The following NOP58 variants were observed in gnomAD, a reference collection of about 807,000 sequenced individuals.
NOP58 encodes the protein NOP58 ribonucleoprotein.
NOP58 carries 44 observed loss-of-function variants against 71.2 expected under a neutral mutation model. The observed-to-expected ratio is 0.62, with a 90% CI of 0.49 to 0.79. NOP58 has a LOEUF of 0.79. Ranked by LOEUF, NOP58 falls within the 30% of genes least tolerant of loss-of-function variation. NOP58 has a pLI of 0.00. For missense variants in NOP58, 538 were observed against 620.2 expected (o/e 0.87, Z 1.41); for synonymous variants, 228 against 200.3 (o/e 1.14, Z -1.17).
intron 6 of NOP58, among the ~76,000 whole-genome samples, chr2:202,288,845 G>T (rs114351252): frequency 0.032 from 4,791 of 151,900 alleles, 226 homozygotes; most frequent in African/African-American, 0.11. Flanking sequence ...TCGGCTGGGC[G>T]CAGTGGCTCA....
rs575291968 is a variant in NOP58 at position 202,291,127 on chromosome 2, G to T, written c.637G>T (p.Asp213Tyr). Reference sequence around the variant, plus strand: ...CATCCTCTGCAAACATTCCATAGGCGATAGGAAGAACTATGCCTCTGCCAA... The same window carrying T: ...CATCCTCTGCAAACATTCCATAGGCTATAGGAAGAACTATGCCTCTGCCAA... ...TYCKCLQKVG[D>Y]RKNYASAKLS... Residue 213 changes from aspartate to tyrosine, a missense_variant and splice_region_variant, in exon 8 of 15, where the codon GAT (aspartate) becomes TAT (tyrosine). Physicochemically the swap from Asp to Tyr is radical, Grantham distance 160. Transcript: ENST00000264279. The T allele has an allele frequency of 3.7e-6, 6 of 1,600,964 alleles. No individual in the cohort carries two copies. In the Admixed American group the frequency reaches 1.1e-4, roughly 29 times the overall value.
At chr2:202,297,983 C>G in intron 12 of NOP58, 77 bp downstream of exon 12, 1 of 893,414 alleles carries the variant, frequency 1.1e-6, no homozygotes. Flanking sequence ...TTATTGTAAA[C>G]TTCACCTTGA....
chr2:202,295,275 T>C (rs947582794), intron 9 of NOP58, among the ~76,000 whole-genome samples: 1 of 152,246 alleles, frequency 6.6e-6, no homozygotes, highest in African/African-American at 2.4e-5. Flanking sequence ...AATGTGTTTA[T>C]TTGTAGGCTT....
At chr2:202,301,260 C>T (rs1689086663) in intron 13 of NOP58, among the ~76,000 whole-genome samples, 1 of 152,154 alleles carries the variant, frequency 6.6e-6, no homozygotes, top group African/African-American at 2.4e-5. Context: ...TCTTGGCTCA[C>T]TGCAACCTCC....
chr2:202,299,681 A>T (rs1314934153), intron 12 of NOP58, among the ~76,000 whole-genome samples: 1 of 152,176 alleles, frequency 6.6e-6, no homozygotes, highest in Non-Finnish European at 1.5e-5. Flanking sequence ...TTCACATTTT[A>T]GGCACTCATT....
At chr2:202,298,952 A>ATTTTTTTTT (rs3043921) in intron 12 of NOP58, among the ~76,000 whole-genome samples, 1 of 81,436 alleles carries the variant, frequency 1.2e-5, no homozygotes, top group African/African-American at 5.4e-5. Flanking sequence ...ATCCTTCAAG[A>ATTTTTTTTT]TTTTTTTTTT....
At chr2:202,269,214 C>G (rs1218892322) in intron 1 of NOP58, among the ~76,000 whole-genome samples, 1 of 151,752 alleles carries the variant, frequency 6.6e-6, no homozygotes, top group Non-Finnish European at 1.5e-5. Flanking sequence ...CTCTGTTGCC[C>G]AGGCTGGAGT....
chr2:202,298,954 T>A (rs899036559), intron 12 of NOP58, among the ~76,000 whole-genome samples: 1 of 87,224 alleles, frequency 1.1e-5, no homozygotes, highest in African/African-American at 1.0e-4. Context: ...CCTTCAAGAT[T>A]TTTTTTTTTT....
intron 13 of NOP58, 87 bp from the exon 14 acceptor site, chr2:202,302,834 G>GA (rs1689116421): frequency 2.7e-6 from 4 of 1,497,960 alleles, no homozygotes; most frequent in South Asian, 2.8e-5. Flanking sequence ...GAGAATGACA[G>GA]AAAAAAACTA....
At chr2:202,291,001 AT>A in intron 7 of NOP58, 123 bp from the exon 8 acceptor site, 124 of 824,842 alleles carry the variant, frequency 1.5e-4, no homozygotes, top group South Asian at 1.8e-4. Context: ...AAACTTCTTC[AT>A]TTTTTTTGTT....
At chr2:202,292,627 AG>A in intron 8 of NOP58, 149 bp from the exon 9 acceptor site, 1 of 604,292 alleles carries the variant, frequency 1.7e-6, no homozygotes, top group South Asian at 2.2e-5. Flanking sequence ...AAAAAAAAAA[AG>A]AAAACTGATG....
At chr2:202,296,431 G>T (rs1251753546) in intron 10 of NOP58, among the ~76,000 whole-genome samples, 1 of 152,146 alleles carries the variant, frequency 6.6e-6, no homozygotes, top group Non-Finnish European at 1.5e-5. Context: ...TCAAACTCCT[G>T]ACCTCCTGAT....
intron 5 of NOP58, among the ~76,000 whole-genome samples, chr2:202,286,750 C>T (rs1005085608): frequency 2.6e-5 from 4 of 152,048 alleles, no homozygotes; most frequent in Admixed American, 1.3e-4. Context: ...AATCAGATGT[C>T]CCCCCAGTAG....
chr2:202,303,560 C>G lies in NOP58; in HGVS notation c.*124C>G. ...TCAGTAAGACAAAGTGATTTATCAT[C>G]TATAACTTCAAACCTATTTGTCTTG... On this transcript the variant is annotated 3_prime_UTR_variant, in exon 15 of 15. Coordinates refer to ENST00000264279, the MANE Select transcript of NOP58 (RefSeq NM_015934.5). 1 of 1,267,284 alleles carries G rather than the reference C, an allele frequency of 7.9e-7. No homozygotes were observed. The highest frequency in any genetic ancestry group is 1.9e-5 in the South Asian group (1 of 52,262). 78.5% of individuals were successfully genotyped at this position (1,267,284 alleles called of 1,614,324 possible).
At chr2:202,277,065 A>G (rs1574378391) in intron 2 of NOP58, among the ~76,000 whole-genome samples, 1 of 152,196 alleles carries the variant, frequency 6.6e-6, no homozygotes, top group Non-Finnish European at 1.5e-5. Context: ...AGGCGGGCGG[A>G]TGATGAGGTC....
At chr2:202,280,499 T>A (rs1293496573) in intron 3 of NOP58, among the ~76,000 whole-genome samples, 1 of 152,046 alleles carries the variant, frequency 6.6e-6, no homozygotes, top group Non-Finnish European at 1.5e-5. Flanking sequence ...GTCCAGCTAA[T>A]TTTTGTATTT....
At chr2:202,278,341 A>C in intron 3 of NOP58, 1 of 487,358 alleles carries the variant, frequency 2.1e-6, no homozygotes, top group Non-Finnish European at 4.2e-6. Context: ...TAATGTGGTC[A>C]AGTATACAGC....
intron 7 of NOP58, 97 bp downstream of exon 7, chr2:202,290,554 G>A: frequency 1.8e-6 from 2 of 1,104,850 alleles, no homozygotes; most frequent in Non-Finnish European, 2.6e-6. Context: ...AAGATTCCCA[G>A]GGTTTTTGCA....
At chr2:202,287,866 C>T in intron 6 of NOP58, 142 bp downstream of exon 6, 1 of 615,190 alleles carries the variant, frequency 1.6e-6, no homozygotes, top group Non-Finnish European at 2.8e-6. Flanking sequence ...AATCCCAGCA[C>T]TTGGGAGGCT....
Sources: allele counts gnomAD v4.1 joint callset (sites outside exome capture counted in the v4.1 genomes callset), GRCh38; gene constraint gnomAD v4.1.1; transcripts MANE v1.5; gene names NCBI Gene and HGNC (gene_info 2026-07-23, HGNC 2026-07-21).